NSD3: variants seen among roughly 807,000 people sequenced by gnomAD.
The protein encoded by NSD3 is nuclear receptor binding SET domain protein 3, also known as histone-lysine N-methyltransferase NSD3.
Under a neutral mutation model 160.8 loss-of-function variants are expected in NSD3, and 24 were observed. That is an observed-to-expected ratio of 0.15 (90% confidence interval 0.11 to 0.21). NSD3 has a LOEUF of 0.21. Among genes scored for constraint, NSD3 ranks in the 10% least tolerant of loss-of-function variants. NSD3 has a pLI of 1.00. For synonymous variants in NSD3, 520 were observed against 600.0 expected, an observed-to-expected ratio of 0.87 and a Z score of 1.95; for missense variants, 1,157 against 1,735.9, an observed-to-expected ratio of 0.67 and a Z score of 5.93.
chr8:38,358,556 A>T (rs981107110), intron 1 of NSD3, among the ~76,000 whole-genome samples: 1 of 152,174 alleles, frequency 6.6e-6, no homozygotes, highest in Non-Finnish European at 1.5e-5. Flanking sequence ...TATTTAAAAA[A>T]ATTTTTTTTA....
At position 38,315,511 on chromosome 8, in the gene NSD3, C is replaced by T. The variant is rs369690054; in HGVS notation, c.2020G>A (p.Ala674Thr). The change falls in exon 11 of 24, where the codon GCT becomes ACT. Residue 674 changes from alanine to threonine, a missense_variant. Physicochemically the swap from Ala to Thr is moderately conservative, Grantham distance 58. This residue lies in a region of NSD3 where 437 missense variants were observed against 576.6 expected (regional missense o/e 0.76). Transcript: ENST00000317025. ...TCAGAAACGTCTGCATCTGCAGTAG[C>T]TGAAGGGCTATCTACTTGCTTTCCA... Reference protein sequence around the residue: ...GFGKQVDSPSATADADVSDVQ... With the variant: ...GFGKQVDSPSTTADADVSDVQ... 5.5e-5 allele frequency: 88 copies of T among 1,613,516 alleles called. 1 individual carries two copies. The South Asian group carries it at 9.0e-4, about 17-fold the overall frequency.
chr8:38,365,795 TAG>T (rs972909710), intron 1 of NSD3, among the ~76,000 whole-genome samples: 1 of 152,160 alleles, frequency 6.6e-6, no homozygotes, highest in African/African-American at 2.4e-5. Flanking sequence ...ATCAGTCATA[TAG>T]AGAGGCTGGA....
rs1355347407 is a variant in NSD3, at chr8:38,295,874, C to G, written c.2837G>C (p.Cys946Ser). Residue 946 changes from cysteine to serine, a missense_variant, in exon 16 of 24, where the codon TGC becomes TCC. Transcript: ENST00000317025. ...ECLSIEMPEG[C>S]WNCNDCKAGK... ...AGCTTTACAGTCATTACAATTCCAGCAGCCTTCTGGCATTTCTATGCTTAG... is the reference window on the plus strand; with the variant it reads ...AGCTTTACAGTCATTACAATTCCAGGAGCCTTCTGGCATTTCTATGCTTAG... The G allele has an allele frequency of 6.2e-7, 1 of 1,614,014 alleles. No individual in the cohort carries two copies. The highest frequency in any genetic ancestry group is 2.2e-5 in the East Asian group (1 of 44,884).
intron 16 of NSD3, among the ~76,000 whole-genome samples, chr8:38,293,759 C>T (rs1023004742): frequency 6.6e-6 from 1 of 150,956 alleles, no homozygotes; most frequent in Non-Finnish European, 1.5e-5. Flanking sequence ...CCCGTCTGTA[C>T]TAAAATTACA....
intron 16 of NSD3, among the ~76,000 whole-genome samples, chr8:38,294,460 T>C (rs1809083527): frequency 6.6e-6 from 1 of 152,164 alleles, no homozygotes; most frequent in Non-Finnish European, 1.5e-5. Flanking sequence ...AAGGAGAAAG[T>C]ACTATTAAAA....
At chr8:38,350,719 C>T (rs550887649) in intron 1 of NSD3, among the ~76,000 whole-genome samples, 118 of 152,116 alleles carry the variant, frequency 7.8e-4, no homozygotes, top group Admixed American at 2.3e-3. Flanking sequence ...ACTATATCCC[C>T]GGTAACTTTG....
intron 1 of NSD3, among the ~76,000 whole-genome samples, chr8:38,373,049 CAA>C (rs11308161): frequency 4.9e-4 from 53 of 107,128 alleles, no homozygotes; most frequent in Admixed American, 9.0e-4. Flanking sequence ...AGACTCCTCT[CAA>C]AAAAAAAAAA....
intron 3 of NSD3, 71 bp downstream of exon 3, chr8:38,338,465 T>G (rs747129869): frequency 3.7e-4 from 453 of 1,240,614 alleles, no homozygotes; most frequent in Non-Finnish European, 5.0e-4. Context: ...ACAATTGTGT[T>G]GCAATTCAAT....
intron 15 of NSD3, among the ~76,000 whole-genome samples, 192 bp downstream of exon 15, chr8:38,299,252 G>T (rs1156624184): frequency 6.6e-6 from 1 of 152,112 alleles, no homozygotes; most frequent in Non-Finnish European, 1.5e-5. Context: ...GTAAAAATGT[G>T]CAACAATGGA....
At chr8:38,351,590 G>T (rs1160782266) in intron 1 of NSD3, among the ~76,000 whole-genome samples, 1 of 151,328 alleles carries the variant, frequency 6.6e-6, no homozygotes, top group African/African-American at 2.4e-5. Flanking sequence ...TTGAACCCAG[G>T]AGGCAGAGGT....
chr8:38,318,052 G>T lies in NSD3; in HGVS notation c.1855+843C>A. 6.2e-7 allele frequency: 1 copy of T among 1,613,974 alleles called. No homozygotes were observed. The highest frequency in any genetic ancestry group is 8.5e-7 in the Non-Finnish European group (1 of 1,179,956). The stretch of plus-strand genomic sequence containing the variant: ...GGTCCGCCGACCCTGTGGAATGGTG[G>T]AAACACAACGCAATCAGGCCTCCTA... On this transcript the variant is annotated intron_variant, in intron 9 of 23. Coordinates refer to ENST00000317025, the MANE Select transcript of NSD3 (RefSeq NM_023034.2). The surrounding 1 kb of genome is among the most constrained non-coding windows in gnomAD (Gnocchi z 5.3).
In NSD3 at chr8:38,315,913, T is replaced by G; in HGVS notation, c.1985A>C (p.Gln662Pro). The change falls in exon 10 of 24, where the codon CAG becomes CCG. Residue 662 changes from glutamine (Q) to proline (P), a missense_variant and splice_region_variant. By Grantham distance (76) the Gln-to-Pro change is moderately conservative. Coordinates refer to ENST00000317025, the MANE Select transcript of NSD3 (RefSeq NM_023034.2). ...GTCCAGACCCTTGCACATATTTACC[T>G]GCAGGTCACTCAGTCCTCTAGAATC... ...DSDSRGLSDL[Q>P]VGFGKQVDSP... is the part of the protein sequence containing the mutation. 1.2e-6 allele frequency: 2 copies of G among 1,613,678 alleles called. No individual in the cohort carries two copies. The highest frequency in any genetic ancestry group is 1.7e-6 in the Non-Finnish European group (2 of 1,179,902).
At chr8:38,295,560 A>T (rs1486999895) in intron 16 of NSD3, among the ~76,000 whole-genome samples, 2 of 152,132 alleles carry the variant, frequency 1.3e-5, no homozygotes, top group African/African-American at 4.8e-5. Flanking sequence ...CGCCTCACAA[A>T]CAATCAACCA....
intron 2 of NSD3, among the ~76,000 whole-genome samples, chr8:38,343,649 G>C (rs1292027158): frequency 6.6e-6 from 1 of 152,178 alleles, no homozygotes; most frequent in African/African-American, 2.4e-5. Flanking sequence ...GTTGCAGTGA[G>C]CCGAGACTGC....
intron 22 of NSD3, 140 bp from the exon 23 acceptor site, chr8:38,276,640 CAACAAATACTATAACA>C: frequency 1.3e-6 from 1 of 784,104 alleles, no homozygotes; most frequent in Non-Finnish European, 2.0e-6. Context: ...CCTTATGCTG[CAACAAATACTATAACA>C]AAAATAAAGT....
intron 13 of NSD3, among the ~76,000 whole-genome samples, chr8:38,304,994 C>T (rs779579468): frequency 4.6e-5 from 7 of 152,138 alleles, no homozygotes; most frequent in East Asian, 1.9e-4. Flanking sequence ...GCTGCAGAGA[C>T]GGTGGTATCC....
chr8:38,311,611 C>T (rs1809537849), intron 12 of NSD3, among the ~76,000 whole-genome samples: 1 of 152,158 alleles, frequency 6.6e-6, no homozygotes, highest in Admixed American at 6.5e-5. Flanking sequence ...CAGACATAAG[C>T]CACCACACCT....
Position 38,364,383 on chromosome 8 carries a change from T to C in NSD3, c.-44-16168A>G, listed in dbSNP as rs1418382458. Among the ~76,000 whole-genome samples, 5 of 152,148 alleles carry C rather than the reference T, an allele frequency of 3.3e-5. No homozygotes were observed. The East Asian group carries it at 9.6e-4, about 29-fold the overall frequency. ...ACAGGCATGATGATGTGACCTACAATTTGTCCCTGGACAACCAGGAAAAGC... is the reference window on the plus strand; with the variant it reads ...ACAGGCATGATGATGTGACCTACAACTTGTCCCTGGACAACCAGGAAAAGC... On this transcript the variant is annotated intron_variant, in intron 1 of 23. Coordinates refer to ENST00000317025, the MANE Select transcript of NSD3 (RefSeq NM_023034.2).
chr8:38,275,840 C>T lies in NSD3; in HGVS notation c.4115G>A (p.Ser1372Asn). ...GAATTCACAGAAGGAAACAGCTGCA[C>T]TGCTGCACTCATCGCACTGATGCCA... ...CPWHQCDECSSAAVSFCEFCP... is the reference protein window; with the variant it reads ...CPWHQCDECSNAAVSFCEFCP... The change falls in exon 24 of 24, where the codon AGT becomes AAT. Residue 1372 changes from serine (S) to asparagine (N), a missense_variant. This residue lies in a region of NSD3 where 222 missense variants were observed against 409.9 expected (regional missense o/e 0.54). Transcript: ENST00000317025. The T allele has an allele frequency of 6.2e-7, 1 of 1,614,184 alleles. No individual in the cohort carries two copies. The highest frequency in any genetic ancestry group is 8.5e-7 in the Non-Finnish European group (1 of 1,180,036).
Sources: allele counts gnomAD v4.1 joint callset (sites outside exome capture counted in the v4.1 genomes callset), GRCh38; gene constraint gnomAD v4.1.1; regional missense constraint gnomAD v4.1.1; non-coding constraint Gnocchi (gnomAD v3.1); transcripts MANE v1.5; gene names NCBI Gene and HGNC (gene_info 2026-07-23, HGNC 2026-07-21).